Variants in HNRNPD observed in about 807,000 individuals in gnomAD.
The protein encoded by HNRNPD is heterogeneous nuclear ribonucleoprotein D.
In HNRNPD, 3 loss-of-function variants were observed where a neutral mutation model predicts 47.9. The ratio of observed to expected loss-of-function variants is 0.06; its 90% CI spans 0.03 to 0.16. The LOEUF is 0.16. Ranked by LOEUF, HNRNPD falls within the 10% of genes least tolerant of loss-of-function variation. HNRNPD has a pLI of 1.00. For missense variants in HNRNPD, 287 were observed against 454.2 expected, an observed-to-expected ratio of 0.63 and a Z score of 3.35; for synonymous variants, 171 against 165.1, an observed-to-expected ratio of 1.04 and a Z score of -0.28.
intron 7 of HNRNPD, chr4:82,355,671 C>G (rs1041178120): frequency 2.2e-6 from 1 of 450,696 alleles, no homozygotes; most frequent in Admixed American, 4.1e-5. Flanking sequence ...TTTTAAGTTT[C>G]AAAGGATGGA....
chr4:82,354,559 C>G (rs1374419093), intron 8 of HNRNPD: 1 of 152,612 alleles, frequency 6.6e-6, no homozygotes, highest in Non-Finnish European at 1.5e-5. Flanking sequence ...AAGTTATCTA[C>G]TGTAATTATA....
chr4:82,355,038 T>C (rs1007870486), intron 8 of HNRNPD: 1 of 441,914 alleles, frequency 2.3e-6, no homozygotes, highest in African/African-American at 2.0e-5. Flanking sequence ...TCAGAGTTAG[T>C]AGGCAATACT....
At chr4:82,372,518 G>GA (rs1018775162) in intron 1 of HNRNPD, among the ~76,000 whole-genome samples, 16 of 151,960 alleles carry the variant, frequency 1.1e-4, no homozygotes, top group Admixed American at 7.9e-4. Flanking sequence ...TGGGCACCGG[G>GA]AAAAAAAGGG....
At chr4:82,366,258 G>C (rs1011180953) in intron 2 of HNRNPD, among the ~76,000 whole-genome samples, 3 of 151,860 alleles carry the variant, frequency 2.0e-5, no homozygotes, top group African/African-American at 7.3e-5. Context: ...GTTTTTTTGG[G>C]AGGGGGACAG....
At chr4:82,372,224 C>T (rs896566158) in intron 1 of HNRNPD, among the ~76,000 whole-genome samples, 3 of 152,106 alleles carry the variant, frequency 2.0e-5, no homozygotes, top group Non-Finnish European at 2.9e-5. Context: ...GGTCAGTAAT[C>T]GGAGCTAAGA....
In HNRNPD at chr4:82,353,428, T is replaced by C. The variant is rs769854108; in HGVS notation, c.*757A>G. ...CTCTCTGAACTAGCCGCATTTCTAT[T>C]ATAATTAACAGATTTTAAGTCCTTT... On this transcript the variant is annotated 3_prime_UTR_variant, in exon 9 of 9. Transcript: ENST00000313899. 14 of 152,540 alleles carry C rather than the reference T, an allele frequency of 9.2e-5. No individual in the cohort carries two copies. Among genetic ancestry groups the C allele is most frequent in the Non-Finnish European group, 1.5e-4 (10 of 68,032 alleles). The allele number at this position is 152,540 out of a possible 1,614,324, so 9.4% of individuals were successfully genotyped here.
chr4:82,368,242 AGTATACTCAATATGTATACTCAAAT>A (rs1331264577), intron 2 of HNRNPD, among the ~76,000 whole-genome samples: 1 of 152,200 alleles, frequency 6.6e-6, no homozygotes, highest in African/African-American at 2.4e-5. Flanking sequence ...TGGCATAAAT[AGTATACTCAATATGTATACTCAAAT>A]GTATACTCAA....
In HNRNPD at chr4:82,373,925, A is replaced by C; in HGVS notation, c.-247T>G. 1.1e-6 allele frequency: 1 copy of C among 932,388 alleles called. No individual in the cohort carries two copies. Among genetic ancestry groups the C allele is most frequent in the Non-Finnish European group, 1.5e-6 (1 of 668,718 alleles). The allele number at this position is 932,388 out of a possible 1,614,324, so 57.8% of individuals were successfully genotyped here. A position where few individuals can be genotyped will look rare whatever the true frequency, so the allele number is the denominator to read the frequency against. ...GCTGCACTAAAAAAGAATAAGCACC[A>C]GCGGCGGCCGCTCTCGCCTCCTCCT... On this transcript the variant is annotated 5_prime_UTR_variant, in exon 1 of 9. Transcript: ENST00000313899.
In HNRNPD at chr4:82,359,396, G is replaced by C. The variant is rs372588547; in HGVS notation, c.459+75C>G. On this transcript the variant is annotated intron_variant, in intron 3 of 8. Transcript: ENST00000313899. ...TATCAAAATGGGGAACCACAAATAG[G>C]CAAACTCATTGTATCAAACTATCCA... 2.1e-5 allele frequency: 23 copies of C among 1,078,422 alleles called. No individual in the cohort carries two copies. In the East Asian group the frequency reaches 2.8e-4, roughly 13 times the overall value. The allele number at this position is 1,078,422 out of a possible 1,614,324, so 66.8% of individuals were successfully genotyped here. A position where few individuals can be genotyped will look rare whatever the true frequency, so the allele number is the denominator to read the frequency against.
intron 7 of HNRNPD, chr4:82,356,035 A>G (rs1273306389): frequency 6.5e-6 from 1 of 153,450 alleles, no homozygotes; most frequent in African/African-American, 2.4e-5. Flanking sequence ...GAGAGCAACT[A>G]CCTTAGTTGC....
chr4:82,358,542 CAG>C, intron 4 of HNRNPD, 115 bp downstream of exon 4: 1 of 885,206 alleles, frequency 1.1e-6, no homozygotes, highest in Non-Finnish European at 1.8e-6. Context: ...TATTCCAAAA[CAG>C]ATCACATAAT....
chr4:82,368,851 G>C (rs1423247886), intron 2 of HNRNPD, among the ~76,000 whole-genome samples: 1 of 152,170 alleles, frequency 6.6e-6, no homozygotes, highest in Non-Finnish European at 1.5e-5. Flanking sequence ...CATGAGCCTA[G>C]TCTTTTATAA....
rs768468525 is a variant in HNRNPD, at chr4:82,355,385, A to G, written c.1017T>C (p.Tyr339=). ...GACCACCTCGCCTGGATACCTTCCC[A>G]TAACCACTCTGCTGGTCTAAAATAA... ...YGDYSNQQSG[Y]GKVSRRGGHQ... is the part of the protein sequence containing the mutation. Residue 339 remains tyrosine, a synonymous_variant, in exon 8 of 9, where the codon TAT becomes TAC. Transcript: ENST00000313899. 18 of 1,613,350 alleles carry G rather than the reference A, an allele frequency of 1.1e-5. No individual in the cohort carries two copies. The highest frequency in any genetic ancestry group is 1.7e-5 in the Admixed American group (1 of 59,988).
At chr4:82,365,288 C>G (rs1054101880) in intron 2 of HNRNPD, among the ~76,000 whole-genome samples, 2 of 152,270 alleles carry the variant, frequency 1.3e-5, no homozygotes, top group Admixed American at 1.3e-4. Context: ...ACCTGATATA[C>G]ATTTCAGGTA....
At chr4:82,360,174 C>A (rs1430315073) in intron 2 of HNRNPD, among the ~76,000 whole-genome samples, 1 of 151,880 alleles carries the variant, frequency 6.6e-6, no homozygotes, top group East Asian at 1.9e-4. Context: ...TGCTAAGAGT[C>A]CTTAAGACAA....
At chr4:82,361,051 T>C (rs1274168227) in intron 2 of HNRNPD, among the ~76,000 whole-genome samples, 2 of 152,202 alleles carry the variant, frequency 1.3e-5, no homozygotes, top group Non-Finnish European at 2.9e-5. Flanking sequence ...AGGCTTGAAG[T>C]AGCATTTATA....
chr4:82,355,605 TACTTG>T, intron 7 of HNRNPD: 2 of 566,718 alleles, frequency 3.5e-6, no homozygotes, highest in East Asian at 2.9e-5. Flanking sequence ...ATGAGCTGAT[TACTTG>T]ACTTATTGTA....
At position 82,353,498 on chromosome 4, in the gene HNRNPD, T is replaced by C. The variant is rs913450188; in HGVS notation, c.*687A>G. On this transcript the variant is annotated 3_prime_UTR_variant, in exon 9 of 9. Transcript: ENST00000313899. The stretch of plus-strand genomic sequence containing the variant: ...AACATTAACTATCTGTGCAAAGGGG[T>C]ACTTTTGCACATTTATCCAGATTTG... 1 of 152,598 alleles carries C rather than the reference T, an allele frequency of 6.6e-6. No individual in the cohort carries two copies. The allele number at this position is 152,598 out of a possible 1,614,324, so 9.5% of individuals were successfully genotyped here. A position where few individuals can be genotyped will look rare whatever the true frequency, so the allele number is the denominator to read the frequency against.
intron 2 of HNRNPD, among the ~76,000 whole-genome samples, chr4:82,366,097 A>G (rs1457876087): frequency 6.6e-6 from 1 of 152,170 alleles, no homozygotes; most frequent in Non-Finnish European, 1.5e-5. Flanking sequence ...AAAGAATTCC[A>G]TTTATTCAAG....
Sources: gnomAD v4.1 joint callset for allele counts (sites outside exome capture counted in the v4.1 genomes callset) on GRCh38, gnomAD v4.1.1 for gene constraint, MANE v1.5 for transcripts, NCBI Gene and HGNC (gene_info 2026-07-23, HGNC 2026-07-21) for gene names.